Variants in TTC12 observed in about 807,000 individuals in gnomAD.
TTC12 encodes the protein tetratricopeptide repeat protein 12.
In TTC12, 70 loss-of-function variants were observed where a neutral mutation model predicts 90.1. That is an observed-to-expected ratio of 0.78 (90% CI 0.64 to 0.95). The LOEUF is 0.95. TTC12 is among the 40% of genes least tolerant of loss of function. The probability of loss-of-function intolerance (pLI) is 0.00; values close to 1 mark genes in which losing one functional copy is unlikely to be tolerated. For synonymous variants in TTC12, 296 were observed against 311.5 expected, an observed-to-expected ratio of 0.95 and a Z score of 0.53; for missense variants, 819 against 846.1, an observed-to-expected ratio of 0.97 and a Z score of 0.40.
intron 20 of TTC12, 87 bp downstream of exon 20, chr11:113,364,014 C>A: frequency 1.2e-6 from 1 of 867,188 alleles, no homozygotes. Context: ...CGAGGAGGAA[C>A]TTAGCAGCAA....
Position 113,340,743 on chromosome 11 carries a change from T to A in TTC12, c.896+10T>A. 1 of 1,609,638 alleles carries A rather than the reference T, an allele frequency of 6.2e-7. No homozygotes were observed. Among genetic ancestry groups the A allele is most frequent in the Non-Finnish European group, 8.5e-7 (1 of 1,175,918 alleles). On this transcript the variant is annotated intron_variant, in intron 11 of 21. Transcript: ENST00000529221. ...ACGAGGTCATAAGAAGGTAGGGATGTTCATAGAGACAGCCCAGCAGCAAAG... is the reference window on the plus strand; with the variant it reads ...ACGAGGTCATAAGAAGGTAGGGATGATCATAGAGACAGCCCAGCAGCAAAG...
At chr11:113,330,070 C>G in intron 7 of TTC12, 91 bp downstream of exon 7, 1 of 983,738 alleles carries the variant, frequency 1.0e-6, no homozygotes, top group Non-Finnish European at 1.6e-6. Context: ...AAGGGTATAG[C>G]CTCTGTAGCC....
Position 113,359,442 on chromosome 11 carries a change from A to T in TTC12, c.1526A>T (p.Gln509Leu). 6.2e-7 allele frequency: 1 copy of T among 1,613,046 alleles called. No homozygotes were observed. ...GGACTCATGATGAACCTGTGTCTTC[A>T]GGCTCCCTTTGTCTCTGAGGTATGG... ...LLGLMMNLCL[Q>L]APFVSEVWAV... Residue 509 changes from glutamine to leucine, a missense_variant, in exon 17 of 22, where the codon CAG (glutamine) becomes CTG (leucine). Gln to Leu is a moderately radical substitution (Grantham distance 113, BLOSUM62 -2). Coordinates refer to ENST00000529221, the MANE Select transcript of TTC12 (RefSeq NM_017868.4).
chr11:113,340,823 C>T (rs1948639368), intron 11 of TTC12, 90 bp downstream of exon 11: 4 of 1,106,384 alleles, frequency 3.6e-6, no homozygotes, highest in Non-Finnish European at 5.5e-6. Context: ...TAGACAGTCA[C>T]GTTTCTGAAC....
chr11:113,316,426 ATGTAAT>A, intron 2 of TTC12, 111 bp downstream of exon 2: 1 of 475,378 alleles, frequency 2.1e-6, no homozygotes, highest in East Asian at 3.3e-5. Flanking sequence ...TAGGAAAAAA[ATGTAAT>A]TGAAATTAAA....
chr11:113,364,716 CAG>C, intron 20 of TTC12, 117 bp from the exon 21 acceptor site: 1 of 741,474 alleles, frequency 1.3e-6, no homozygotes, highest in East Asian at 2.7e-5. Flanking sequence ...AGTTCTGCTG[CAG>C]AGTTACTGGG....
In TTC12 at chr11:113,351,242, C is replaced by T. The variant is rs1949272143; in HGVS notation, c.1251C>T (p.Phe417=). 6.2e-7 allele frequency: 1 copy of T among 1,613,904 alleles called. No individual in the cohort carries two copies. Among genetic ancestry groups the T allele is most frequent in the Non-Finnish European group, 8.5e-7 (1 of 1,179,878 alleles). ...CTGGCTGATGGTTTCTCAACAGATT[C>T]CAAGTCTGGTTCCAGGCCAACCTTC... is the stretch of plus-strand genomic sequence containing the variant. ...LFTDLALEER[F]QVWFQANLPG... is the part of the protein sequence containing the mutation. The change falls in exon 15 of 22, where the codon TTC becomes TTT. Residue 417 remains phenylalanine (F), a synonymous_variant. Transcript: ENST00000529221.
chr11:113,342,379 GCTAA>G (rs1256205296), intron 12 of TTC12, among the ~76,000 whole-genome samples: 2 of 152,114 alleles, frequency 1.3e-5, no homozygotes, highest in Non-Finnish European at 2.9e-5. Flanking sequence ...TATTTACTGT[GCTAA>G]CTCTTAGGCT....
intron 2 of TTC12, 68 bp from the exon 3 acceptor site, chr11:113,323,220 A>T: frequency 7.9e-7 from 1 of 1,273,160 alleles, no homozygotes; most frequent in African/African-American, 1.5e-5. Flanking sequence ...TTTATGCACC[A>T]TCCTTTCTAG....
At chr11:113,328,021 C>T (rs2137944621) in intron 6 of TTC12, among the ~76,000 whole-genome samples, 1 of 152,262 alleles carries the variant, frequency 6.6e-6, no homozygotes, top group East Asian at 1.9e-4. Context: ...AACATTGACC[C>T]CACAATTGGC....
At chr11:113,370,738 C>T (rs1821667562), downstream of TTC12, among the ~76,000 whole-genome samples, 1 of 152,200 alleles carries the variant, frequency 6.6e-6, no homozygotes, top group Admixed American at 6.5e-5. Context: ...GCCACCCCAG[C>T]CTCAGATCTC....
chr11:113,347,362 T>A (rs896020039), intron 13 of TTC12, among the ~76,000 whole-genome samples: 1 of 152,168 alleles, frequency 6.6e-6, no homozygotes, highest in African/African-American at 2.4e-5. Flanking sequence ...ATACAGCCTG[T>A]GCATGGTGCC....
Position 113,342,032 on chromosome 11 carries a change from C to T in TTC12, c.985+107C>T, listed in dbSNP as rs140679504. The T allele has an allele frequency of 7.7e-5, 73 of 951,986 alleles. No homozygotes were observed. The African/African-American group carries it at 8.5e-4, about 11-fold the overall frequency. 59.0% of individuals were successfully genotyped at this position (951,986 alleles called of 1,614,324 possible). On this transcript the variant is annotated intron_variant, in intron 12 of 21. Transcript: ENST00000529221. ...AGGCCAGGCCCTGGAAAGCTGATGT[C>T]TAGACTTCCGCACACACCCACTCCC...
At chr11:113,349,072 A>C (rs1194118720) in intron 13 of TTC12, among the ~76,000 whole-genome samples, 2 of 152,224 alleles carry the variant, frequency 1.3e-5, no homozygotes, top group Non-Finnish European at 2.9e-5. Context: ...TTATGACCTC[A>C]GAACTGACCA....
At chr11:113,363,953 C>A in intron 20 of TTC12, 26 bp downstream of exon 20, 2 of 1,545,274 alleles carry the variant, frequency 1.3e-6, no homozygotes, top group Non-Finnish European at 1.8e-6. Context: ...CTTAAGGGAG[C>A]CCTTGTCCCA....
chr11:113,348,152 T>C (rs1949076487), intron 13 of TTC12, among the ~76,000 whole-genome samples: 1 of 152,186 alleles, frequency 6.6e-6, no homozygotes, highest in Non-Finnish European at 1.5e-5. Context: ...CCACTGGACA[T>C]CTCTATCACA....
chr11:113,329,807 A>C (rs1591538760), intron 6 of TTC12, 113 bp from the exon 7 acceptor site: 3 of 880,352 alleles, frequency 3.4e-6, no homozygotes, highest in Non-Finnish European at 5.8e-6. Context: ...TGACTGATCC[A>C]GGTAGGGGAT....
At position 113,360,208 on chromosome 11, in the gene TTC12, A is replaced by G. The variant is rs150825574; in HGVS notation, c.1614+200A>G. Among the ~76,000 whole-genome samples the G allele has an allele frequency of 4.5e-3, 684 of 152,244 alleles. 4 individuals carry two copies. Among genetic ancestry groups the G allele is most frequent in the African/African-American group, 0.016 (650 of 41,538 alleles). The stretch of plus-strand genomic sequence containing the variant: ...CCAGGTTTTGTCTACAGTTTCAGAG[A>G]TTTGGTGACCTCCTTGCTGTGTCCG... On this transcript the variant is annotated intron_variant, in intron 18 of 21. Transcript: ENST00000529221.
intron 9 of TTC12, 68 bp from the exon 10 acceptor site, chr11:113,339,218 A>T: frequency 7.6e-7 from 1 of 1,318,676 alleles, no homozygotes; most frequent in African/African-American, 1.5e-5. Flanking sequence ...GGAAAAAAAA[A>T]GGTTGCTTCT....
Sources: allele counts gnomAD v4.1 joint callset (sites outside exome capture counted in the v4.1 genomes callset), GRCh38; gene constraint gnomAD v4.1.1; transcripts MANE v1.5; gene names NCBI Gene and HGNC (gene_info 2026-07-23, HGNC 2026-07-21).